Variants in UBR7 observed in about 807,000 individuals in gnomAD.
UBR7 encodes the protein putative E3 ubiquitin-protein ligase UBR7.
A neutral mutation model predicts 57.0 loss-of-function variants in UBR7; 22 were observed. The observed-to-expected ratio is 0.39, with a 90% CI of 0.28 to 0.55. The LOEUF is 0.55. UBR7 is among the 20% of genes least tolerant of loss of function. UBR7 has a pLI of 0.69. For synonymous variants in UBR7, 167 were observed against 179.8 expected, an observed-to-expected ratio of 0.93 and a Z score of 0.57; for missense variants, 395 against 513.2, an observed-to-expected ratio of 0.77 and a Z score of 2.23.
intron 8 of UBR7, 119 bp downstream of exon 8, chr14:93,219,480 C>T (rs1894661266): frequency 7.6e-7 from 1 of 1,307,436 alleles, no homozygotes; most frequent in South Asian, 1.3e-5. Flanking sequence ...ATAAAAAGAA[C>T]ACCTGAACAA....
At chr14:93,218,043 A>G (rs1400830886) in intron 6 of UBR7, among the ~76,000 whole-genome samples, 100 of 151,648 alleles carry the variant, frequency 6.6e-4, no homozygotes, top group Non-Finnish European at 1.8e-4. Flanking sequence ...GCAATGAGCC[A>G]AGATCACGCC....
At position 93,227,159 on chromosome 14, in the gene UBR7, C is replaced by G. The variant is rs368358086; in HGVS notation, c.*124C>G. 16 of 716,386 alleles carry G rather than the reference C, an allele frequency of 2.2e-5. No individual in the cohort carries two copies. The highest frequency in any genetic ancestry group is 2.4e-4 in the Middle Eastern group (1 of 4,208). The allele number at this position is 716,386 out of a possible 1,614,324, so 44.4% of individuals were successfully genotyped here. On this transcript the variant is annotated 3_prime_UTR_variant, in exon 11 of 11. Transcript: ENST00000013070. Reference sequence around the variant, plus strand: ...CCTCTGTTTGGAGAGGCCTCGCGCTCCCTTCATTCTCTTTAGCTGCAGTAG... The same window carrying G: ...CCTCTGTTTGGAGAGGCCTCGCGCTGCCTTCATTCTCTTTAGCTGCAGTAG...
chr14:93,210,063 A>G, intron 2 of UBR7, 106 bp downstream of exon 2: 1 of 769,708 alleles, frequency 1.3e-6, no homozygotes, highest in Middle Eastern at 4.5e-4. Context: ...GTTGAACACT[A>G]ATGAAATTAA....
rs772881183 is a variant in UBR7, at chr14:93,227,041, A to C, written c.*6A>C. On this transcript the variant is annotated 3_prime_UTR_variant, in exon 11 of 11. Transcript: ENST00000013070. ...TGCAGTATTACTGCAGCTAGAGTGG[A>C]GTATGAAGCTTTCTCATTCAAGCCA... 3 of 1,597,802 alleles carry C rather than the reference A, an allele frequency of 1.9e-6. No homozygotes were observed. Among genetic ancestry groups the C allele is most frequent in the Non-Finnish European group, 2.6e-6 (3 of 1,166,214 alleles).
chr14:93,209,833 A>G lies in UBR7; in HGVS notation c.160A>G (p.Lys54Glu), dbSNP rs1894442358. 1.2e-6 allele frequency: 2 copies of G among 1,613,856 alleles called. No individual in the cohort carries two copies. Among genetic ancestry groups the G allele is most frequent in the Non-Finnish European group, 1.7e-6 (2 of 1,179,860 alleles). Residue 54 changes from lysine to glutamate, a missense_variant, in exon 2 of 11, where the codon AAG becomes GAG. Coordinates refer to ENST00000013070, the MANE Select transcript of UBR7 (RefSeq NM_175748.4). ...EKCSYSQGSV[K>E]RQALYACSTC... ...TTTTGGGGGCTTTCAGGGCTCAGTA[A>G]AGAGACAAGCACTATATGCCTGTAG...
chr14:93,228,576 C>T lies in UBR7; in HGVS notation c.*1541C>T, dbSNP rs1001432505. The T allele has an allele frequency of 2.2e-6, 1 of 454,026 alleles. No individual in the cohort carries two copies. Among genetic ancestry groups the T allele is most frequent in the East Asian group, 7.0e-5 (1 of 14,384 alleles). 28.1% of individuals were successfully genotyped at this position (454,026 alleles called of 1,614,324 possible). ...TCAGGCTCCTAATTGCAGATCCTCA[C>T]GAAGGGTGGTATGTGGAGCTGGAAG... is the stretch of plus-strand genomic sequence containing the variant. On this transcript the variant is annotated 3_prime_UTR_variant, in exon 11 of 11. Coordinates refer to ENST00000013070, the MANE Select transcript of UBR7 (RefSeq NM_175748.4).
At chr14:93,210,208 C>G (rs757493510) in intron 2 of UBR7, among the ~76,000 whole-genome samples, 3 of 151,992 alleles carry the variant, frequency 2.0e-5, no homozygotes, top group Non-Finnish European at 4.4e-5. Flanking sequence ...CTCAGCCTCC[C>G]GAATAGCTGG....
At chr14:93,221,446 G>T (rs528718486) in intron 9 of UBR7, among the ~76,000 whole-genome samples, 13 of 149,888 alleles carry the variant, frequency 8.7e-5, no homozygotes, top group African/African-American at 2.9e-4. Context: ...GTAGAGTCAG[G>T]GTTTCACCAT....
chr14:93,220,684 C>G (rs1156436432), intron 9 of UBR7, among the ~76,000 whole-genome samples: 1 of 152,052 alleles, frequency 6.6e-6, no homozygotes, highest in Non-Finnish European at 1.5e-5. Context: ...TCCATTGAAA[C>G]AATTTTTGGA....
In UBR7 at chr14:93,218,742, T is replaced by C. The variant is rs1894644265; in HGVS notation, c.810+7T>C. On this transcript the variant is annotated splice_region_variant and intron_variant, in intron 7 of 10. Transcript: ENST00000013070. ...TTCTGAATCTGATCTCCAGGTAATG[T>C]GTGAAGTACGAGCCATCAAGAAATA... The C allele has an allele frequency of 1.2e-6, 2 of 1,611,664 alleles. No homozygotes were observed. The highest frequency in any genetic ancestry group is 1.7e-6 in the Non-Finnish European group (2 of 1,178,218).
chr14:93,209,787 C>T lies in UBR7; in HGVS notation c.151-37C>T, dbSNP rs375054046. On this transcript the variant is annotated intron_variant, in intron 1 of 10. Transcript: ENST00000013070. ...TGTGGGTATTAGGTAAACCATGCTA[C>T]TACATTAATTCTCTTTTCCATTTTG... 1.6e-5 allele frequency: 26 copies of T among 1,609,688 alleles called. No homozygotes were observed. In the Middle Eastern group the frequency reaches 4.9e-4, roughly 31 times the overall value.
chr14:93,223,845 G>T (rs937537887), intron 10 of UBR7: 3 of 749,144 alleles, frequency 4.0e-6, no homozygotes, highest in Middle Eastern at 3.6e-4. Flanking sequence ...GTCAGGTCCC[G>T]GTATTCCCGG....
Position 93,228,788 on chromosome 14 carries a change from T to A in UBR7, c.*1753T>A. The A allele has an allele frequency of 2.2e-6, 1 of 454,146 alleles. No individual in the cohort carries two copies. The highest frequency in any genetic ancestry group is 4.4e-6 in the Non-Finnish European group (1 of 226,794). The allele number at this position is 454,146 out of a possible 1,614,324, so 28.1% of individuals were successfully genotyped here. On this transcript the variant is annotated 3_prime_UTR_variant, in exon 11 of 11. Transcript: ENST00000013070. Reference sequence around the variant, plus strand: ...ACCATCATGTCCGGAAAACTTTTAATCTTCTCAAATATCTGATGTAACTAC... The same window carrying A: ...ACCATCATGTCCGGAAAACTTTTAAACTTCTCAAATATCTGATGTAACTAC...
intron 2 of UBR7, among the ~76,000 whole-genome samples, chr14:93,210,196 G>T (rs1356873629): frequency 6.6e-6 from 1 of 151,956 alleles, no homozygotes; most frequent in African/African-American, 2.4e-5. Context: ...CCATTCTCCT[G>T]CCTCAGCCTC....
rs2140111039 is a variant in UBR7, at chr14:93,227,237, G to A, written c.*202G>A. On this transcript the variant is annotated 3_prime_UTR_variant, in exon 11 of 11. Coordinates refer to ENST00000013070, the MANE Select transcript of UBR7 (RefSeq NM_175748.4). ...CAGCGTCCTCTGTGACTCAGCTGAT[G>A]CAGCTCATTCCACAGACTTCTCCAG... 1 of 632,166 alleles carries A rather than the reference G, an allele frequency of 1.6e-6. No homozygotes were observed. Among genetic ancestry groups the A allele is most frequent in the East Asian group, 3.2e-5 (1 of 30,838 alleles). The allele number at this position is 632,166 out of a possible 1,614,324, so 39.2% of individuals were successfully genotyped here.
chr14:93,215,226 C>T lies in UBR7; in HGVS notation c.546C>T (p.Cys182=). ...PESGDFQEMV[C]QACMKRCSFL... ...GTGGGGATTTTCAGGAGATGGTATG[C>T]CAGGCCTGCATGAAACGTTGTTCTT... Residue 182 remains cysteine (C), a synonymous_variant, in exon 6 of 11, where the codon TGC becomes TGT. Coordinates refer to ENST00000013070, the MANE Select transcript of UBR7 (RefSeq NM_175748.4). The T allele has an allele frequency of 6.3e-7, 1 of 1,590,950 alleles. No individual in the cohort carries two copies. The highest frequency in any genetic ancestry group is 8.6e-7 in the Non-Finnish European group (1 of 1,168,024).
At chr14:93,224,527 G>C (rs1271588511) in intron 10 of UBR7, among the ~76,000 whole-genome samples, 1 of 151,716 alleles carries the variant, frequency 6.6e-6, no homozygotes, top group Non-Finnish European at 1.5e-5. Context: ...ACAGGCACCC[G>C]CCACCACGCC....
intron 10 of UBR7, among the ~76,000 whole-genome samples, chr14:93,226,359 A>T (rs913059034): frequency 6.6e-6 from 1 of 152,188 alleles, no homozygotes; most frequent in African/African-American, 2.4e-5. Flanking sequence ...TCAGTAAAAA[A>T]TAAACATGCT....
At position 93,207,312 on chromosome 14, in the gene UBR7, C is replaced by A; in HGVS notation, c.21C>A (p.Ala7=). Residue 7 remains alanine, a synonymous_variant, in exon 1 of 11, where the codon GCC becomes GCA. Transcript: ENST00000013070. Reference sequence around the variant, plus strand: ...TGAGGATGGCCGGAGCCGAGGGCGCCGCTGGGCGGCAGTCGGAGCTGGAGC... The same window carrying A: ...TGAGGATGGCCGGAGCCGAGGGCGCAGCTGGGCGGCAGTCGGAGCTGGAGC... The part of the protein sequence containing the change: MAGAEG[A]AGRQSELEPV... 2 of 1,557,086 alleles carry A rather than the reference C, an allele frequency of 1.3e-6. No individual in the cohort carries two copies. Among genetic ancestry groups the A allele is most frequent in the Non-Finnish European group, 1.7e-6 (2 of 1,150,072 alleles).
Sources: gnomAD v4.1 joint callset for allele counts (sites outside exome capture counted in the v4.1 genomes callset) on GRCh38, gnomAD v4.1.1 for gene constraint, MANE v1.5 for transcripts, NCBI Gene and HGNC (gene_info 2026-07-23, HGNC 2026-07-21) for gene names.